The following KPNA5 variants were observed in gnomAD, a reference collection of about 807,000 sequenced individuals.
KPNA5 encodes importin subunit alpha-6.
KPNA5 carries 46 observed loss-of-function variants against 71.3 expected under a neutral mutation model. That is an observed-to-expected ratio of 0.65 (90% CI 0.51 to 0.83). The LOEUF (loss-of-function observed/expected upper bound fraction) is 0.83. KPNA5 is among the 40% of genes least tolerant of loss of function. The pLI is 0.00. For missense variants in KPNA5, 547 were observed against 628.3 expected (o/e 0.87, Z 1.38); for synonymous variants, 207 against 201.4 (o/e 1.03, Z -0.24).
chr6:116,703,737 TA>T (rs2114418332), intron 6 of KPNA5, among the ~76,000 whole-genome samples: 1 of 152,322 alleles, frequency 6.6e-6, no homozygotes, highest in South Asian at 2.1e-4. Context: ...GAGTAGATGT[TA>T]AAAATACTAA....
chr6:116,718,259 T>C (rs1778969396), intron 8 of KPNA5, among the ~76,000 whole-genome samples: 1 of 151,138 alleles, frequency 6.6e-6, no homozygotes, highest in Non-Finnish European at 1.5e-5. Context: ...CTTTTAATTT[T>C]TTTTTTCTTT....
intron 10 of KPNA5, among the ~76,000 whole-genome samples, chr6:116,724,774 A>T (rs796204400): frequency 1.8e-4 from 27 of 151,862 alleles, no homozygotes; most frequent in African/African-American, 6.3e-4. Context: ...ACACCTGGCT[A>T]ATTTATTTAT....
At chr6:116,698,574 C>G in intron 4 of KPNA5, 130 bp from the exon 5 acceptor site, 1 of 582,522 alleles carries the variant, frequency 1.7e-6, no homozygotes, top group Non-Finnish European at 3.0e-6. Context: ...TTACATCTAG[C>G]TAAGGGTTTT....
intron 7 of KPNA5, among the ~76,000 whole-genome samples, chr6:116,710,893 A>T (rs12200930): frequency 0.12 from 10,275 of 86,658 alleles, 1,151 homozygotes; most frequent in Non-Finnish European, 0.16. Flanking sequence ...ATATATATAT[A>T]TTTTTTTTTT....
intron 7 of KPNA5, among the ~76,000 whole-genome samples, chr6:116,708,986 A>T (rs1476905016): frequency 6.6e-6 from 1 of 152,052 alleles, no homozygotes; most frequent in Non-Finnish European, 1.5e-5. Context: ...GAGTTTCACC[A>T]TGTTGGCCAG....
Position 116,718,767 on chromosome 6 carries a change from T to C in KPNA5, c.756+2449T>C, listed in dbSNP as rs1292058436. ...CATTCACTTTTTTTGAAATTTTCTTTTTTTTTTCTTCTTTTTTTGAGATGG... is the reference window on the plus strand; with the variant it reads ...CATTCACTTTTTTTGAAATTTTCTTCTTTTTTTCTTCTTTTTTTGAGATGG... On this transcript the variant is annotated intron_variant, in intron 8 of 13. Transcript: ENST00000368564. Among the ~76,000 whole-genome samples, 4 of 151,926 alleles carry C rather than the reference T, an allele frequency of 2.6e-5. No homozygotes were observed. In the East Asian group the frequency reaches 7.7e-4, roughly 29 times the overall value.
rs188592836 is a variant in KPNA5, at chr6:116,696,088, C to T, written c.341-2616C>T. 2.6e-3 allele frequency among the ~76,000 whole-genome samples: 393 copies of T among 152,176 alleles called. 3 individuals are homozygous for T. The highest frequency in any genetic ancestry group is 8.6e-3 in the African/African-American group (356 of 41,512). ...ATCTTTGAGCAAGTTGTCTGGGTAT[C>T]GAATTCTTTGATCAGAAGACTTTGT... On this transcript the variant is annotated intron_variant, in intron 4 of 13. Coordinates refer to ENST00000368564, the MANE Select transcript of KPNA5 (RefSeq NM_001366306.2).
intron 2 of KPNA5, among the ~76,000 whole-genome samples, chr6:116,690,182 G>A (rs1583403244): frequency 6.6e-6 from 1 of 151,926 alleles, no homozygotes; most frequent in African/African-American, 2.4e-5. Flanking sequence ...CAATATTCCT[G>A]CCTCTGTCTC....
At chr6:116,707,879 C>G (rs1171304224) in intron 7 of KPNA5, among the ~76,000 whole-genome samples, 1 of 152,152 alleles carries the variant, frequency 6.6e-6, no homozygotes, top group African/African-American at 2.4e-5. Context: ...TTTTTTACCA[C>G]CTTAAACAGA....
At chr6:116,700,474 A>C (rs1276235450) in intron 5 of KPNA5, among the ~76,000 whole-genome samples, 8 of 152,114 alleles carry the variant, frequency 5.3e-5, no homozygotes, top group Non-Finnish European at 1.0e-4. Context: ...ATAAACAAAC[A>C]AACAAACAAA....
At chr6:116,687,210 C>G (rs1777624805) in intron 1 of KPNA5, among the ~76,000 whole-genome samples, 1 of 152,112 alleles carries the variant, frequency 6.6e-6, no homozygotes, top group Admixed American at 6.6e-5. Flanking sequence ...TTTCTTTTAG[C>G]AGCGTTTTGT....
At chr6:116,700,576 G>T (rs1778194316) in intron 5 of KPNA5, among the ~76,000 whole-genome samples, 1 of 152,166 alleles carries the variant, frequency 6.6e-6, no homozygotes, top group Non-Finnish European at 1.5e-5. Context: ...GCTACATGTT[G>T]TGCCATGTTA....
intron 6 of KPNA5, among the ~76,000 whole-genome samples, chr6:116,704,228 G>T (rs897859318): frequency 1.3e-5 from 2 of 151,984 alleles, no homozygotes; most frequent in African/African-American, 4.8e-5. Context: ...TAGTAGAGAT[G>T]GGGTTTCACC....
intron 5 of KPNA5, among the ~76,000 whole-genome samples, chr6:116,699,952 A>G (rs1778167340): frequency 6.6e-6 from 1 of 152,218 alleles, no homozygotes; most frequent in African/African-American, 2.4e-5. Flanking sequence ...ACAGACATAA[A>G]AAAGATCTGT....
intron 7 of KPNA5, among the ~76,000 whole-genome samples, chr6:116,705,653 G>A (rs1016827990): frequency 2.6e-5 from 4 of 151,934 alleles, no homozygotes; most frequent in Non-Finnish European, 5.9e-5. Context: ...ACCCTATAAT[G>A]TAAGGTCCTT....
rs1196667761 is a variant in KPNA5 at position 116,729,815 on chromosome 6, AC to A, written c.1432+75del. The A allele has an allele frequency of 9.1e-6, 9 of 991,058 alleles. No individual in the cohort carries two copies. In the African/African-American group the frequency reaches 1.5e-4, roughly 17 times the overall value. 61.4% of individuals were successfully genotyped at this position (991,058 alleles called of 1,614,324 possible). A position where few individuals can be genotyped will look rare whatever the true frequency, so the allele number is the denominator to read the frequency against. On this transcript the variant is annotated intron_variant, in intron 13 of 13. Coordinates refer to ENST00000368564, the MANE Select transcript of KPNA5 (RefSeq NM_001366306.2). ...TCATACTTTCCCCTTCCAGTTCCCTACAATTTTTTTGTTGTAAAAGCAGTAT... is the reference window on the plus strand; with the variant it reads ...TCATACTTTCCCCTTCCAGTTCCCTAAATTTTTTTGTTGTAAAAGCAGTAT...
At chr6:116,708,396 C>A (rs1778527785) in intron 7 of KPNA5, among the ~76,000 whole-genome samples, 1 of 152,190 alleles carries the variant, frequency 6.6e-6, no homozygotes, top group Non-Finnish European at 1.5e-5. Context: ...TTCTCTATAT[C>A]ATCACCAACA....
At chr6:116,725,442 C>T (rs1007390361) in intron 10 of KPNA5, among the ~76,000 whole-genome samples, 43 of 152,228 alleles carry the variant, frequency 2.8e-4, no homozygotes, top group African/African-American at 1.0e-3. Flanking sequence ...AGGTTGGATC[C>T]TGACCTCGGT....
chr6:116,705,351 C>T (rs537304271), intron 7 of KPNA5, among the ~76,000 whole-genome samples, 191 bp downstream of exon 7: 104 of 152,240 alleles, frequency 6.8e-4, no homozygotes, highest in African/African-American at 2.5e-3. Flanking sequence ...TCCCTTAAAC[C>T]ACACGTAACA....
Sources: allele counts gnomAD v4.1 joint callset (sites outside exome capture counted in the v4.1 genomes callset), GRCh38; gene constraint gnomAD v4.1.1; transcripts MANE v1.5; gene names NCBI Gene and HGNC (gene_info 2026-07-23, HGNC 2026-07-21).